PRELID2: variants seen among roughly 807,000 people sequenced by gnomAD.
PRELID2 encodes PRELI domain containing 2.
PRELID2 carries 25 observed loss-of-function variants against 28.4 expected under a neutral mutation model. The observed-to-expected ratio is 0.88, with a 90% CI of 0.64 to 1.23. The LOEUF (loss-of-function observed/expected upper bound fraction) is 1.23, where lower values mean the gene tolerates loss of function less well. PRELID2 is among the 50% of genes most tolerant of loss of function. PRELID2 has a pLI of 0.00. For synonymous variants in PRELID2, 76 were observed against 71.6 expected, an observed-to-expected ratio of 1.06 and a Z score of -0.31; for missense variants, 201 against 214.4, an observed-to-expected ratio of 0.94 and a Z score of 0.39.
the PRELID2 span, among the ~76,000 whole-genome samples, chr5:145,309,157 T>C: frequency 6.6e-6 from 1 of 152,206 alleles, no homozygotes; most frequent in South Asian, 2.1e-4. Context: ...GAGGTCTTTA[T>C]CTCTCCTATG....
the PRELID2 span, among the ~76,000 whole-genome samples, chr5:145,443,443 C>A: frequency 6.6e-6 from 1 of 152,000 alleles, no homozygotes; most frequent in African/African-American, 2.4e-5. Context: ...ATGAGGCCAA[C>A]ATGATAGAAC....
intron 1 of PRELID2, among the ~76,000 whole-genome samples, chr5:145,660,816 A>T (rs1373971136): frequency 1.3e-5 from 2 of 152,236 alleles, no homozygotes; most frequent in African/African-American, 2.4e-5. Flanking sequence ...GAAGAGTTTG[A>T]ATAAAATTGT....
chr5:145,318,494 G>A, the PRELID2 span, among the ~76,000 whole-genome samples: 2 of 152,320 alleles, frequency 1.3e-5, no homozygotes, highest in South Asian at 2.1e-4. Context: ...ACATGCCTTC[G>A]TATGCACTCA....
intron 1 of PRELID2, among the ~76,000 whole-genome samples, chr5:145,518,660 TTAGTGATATC>T (rs1752539456): frequency 6.6e-6 from 1 of 152,190 alleles, no homozygotes; most frequent in Admixed American, 6.5e-5. Flanking sequence ...AATCAATCCT[TTAGTGATATC>T]TCTGCTGTGT....
intron 1 of PRELID2, among the ~76,000 whole-genome samples, chr5:145,650,608 T>C (rs953969714): frequency 1.4e-5 from 2 of 141,852 alleles, no homozygotes; most frequent in Non-Finnish European, 3.0e-5. Context: ...TTGGTTAAAA[T>C]CTATTCAGTC....
At chr5:145,355,493 G>C in the PRELID2 span, among the ~76,000 whole-genome samples, 3 of 152,036 alleles carry the variant, frequency 2.0e-5, no homozygotes, top group African/African-American at 7.2e-5. Context: ...TATTAACTAA[G>C]TTTTTAAAAT....
intron 1 of PRELID2, among the ~76,000 whole-genome samples, chr5:145,613,920 A>C (rs926856398): frequency 1.3e-5 from 2 of 152,110 alleles, no homozygotes; most frequent in Non-Finnish European, 2.9e-5. Flanking sequence ...GGGTTTTTCC[A>C]ATGTTATCTT....
At chr5:145,623,746 A>T (rs1753806327) in intron 1 of PRELID2, among the ~76,000 whole-genome samples, 1 of 152,166 alleles carries the variant, frequency 6.6e-6, no homozygotes, top group African/African-American at 2.4e-5. Context: ...TTCCCCATAT[A>T]AGGATCTGAA....
At chr5:145,425,501 G>A in the PRELID2 span, among the ~76,000 whole-genome samples, 3 of 152,068 alleles carry the variant, frequency 2.0e-5, no homozygotes, top group Admixed American at 6.5e-5. Context: ...ACATAGAATC[G>A]ATCTAAATGC....
intron 1 of PRELID2, among the ~76,000 whole-genome samples, chr5:145,506,284 A>G (rs577362308): frequency 6.6e-6 from 1 of 152,198 alleles, no homozygotes; most frequent in East Asian, 1.9e-4. Flanking sequence ...TTCCCAGTTC[A>G]GAGATTTTGT....
intron 1 of PRELID2, among the ~76,000 whole-genome samples, chr5:145,708,666 C>T (rs1428841002): frequency 1.3e-5 from 2 of 152,134 alleles, no homozygotes; most frequent in Non-Finnish European, 2.9e-5. Context: ...GTGTTTTCCC[C>T]CATTCTTGCC....
intron 5 of PRELID2, among the ~76,000 whole-genome samples, chr5:145,786,795 A>C (rs1235579928): frequency 6.6e-6 from 1 of 152,172 alleles, no homozygotes; most frequent in Non-Finnish European, 1.5e-5. Context: ...TAGTATCTCC[A>C]CTTTTTTCTT....
intron 1 of PRELID2, among the ~76,000 whole-genome samples, chr5:145,742,245 A>C (rs1756846539): frequency 7.1e-6 from 1 of 141,110 alleles, no homozygotes; most frequent in Non-Finnish European, 1.5e-5. Context: ...ATATATTTTT[A>C]TATAAATAAA....
chr5:145,832,974 T>C (rs915240209), intron 1 of PRELID2, among the ~76,000 whole-genome samples: 1 of 151,206 alleles, frequency 6.6e-6, no homozygotes, highest in Non-Finnish European at 1.5e-5. Flanking sequence ...CATCATCAAT[T>C]TGAATTTTGT....
intron 1 of PRELID2, among the ~76,000 whole-genome samples, chr5:145,513,875 A>G (rs1189305078): frequency 6.6e-6 from 1 of 152,186 alleles, no homozygotes; most frequent in Non-Finnish European, 1.5e-5. Flanking sequence ...TCAACCCAGA[A>G]TTTCATATCC....
In PRELID2 at chr5:145,693,784, A is replaced by T. The variant is rs144651973; in HGVS notation, n.70+71147T>A. ...GTGAGACTCTATCTCCAAAAAACTTAAATTAAAATTATAAAAATTGAAAAA... is the reference window on the plus strand; with the variant it reads ...GTGAGACTCTATCTCCAAAAAACTTTAATTAAAATTATAAAAATTGAAAAA... On this transcript the variant is annotated intron_variant and non_coding_transcript_variant, in intron 1 of 2. Transcript: ENST00000510259. Among the ~76,000 whole-genome samples, 1,456 of 152,302 alleles carry T rather than the reference A, an allele frequency of 9.6e-3. 22 individuals are homozygous for T. The highest frequency in any genetic ancestry group is 0.032 in the African/African-American group (1,334 of 41,554).
intron 1 of PRELID2, among the ~76,000 whole-genome samples, chr5:145,588,488 C>T (rs993184842): frequency 6.6e-6 from 1 of 152,094 alleles, no homozygotes; most frequent in African/African-American, 2.4e-5. Context: ...GACCTGTAAT[C>T]CACCCAGAGA....
chr5:145,384,759 T>G, the PRELID2 span, among the ~76,000 whole-genome samples: 2 of 152,108 alleles, frequency 1.3e-5, no homozygotes, highest in Admixed American at 1.3e-4. Flanking sequence ...GCATGTCACA[T>G]GGCAAAAGCA....
At chr5:145,322,448 A>C in the PRELID2 span, among the ~76,000 whole-genome samples, 1 of 152,188 alleles carries the variant, frequency 6.6e-6, no homozygotes, top group African/African-American at 2.4e-5. Context: ...AAAATTGAGA[A>C]GTCTGAACAT....
Sources: allele counts gnomAD v4.1 joint callset (sites outside exome capture counted in the v4.1 genomes callset), GRCh38; gene constraint gnomAD v4.1.1; transcripts MANE v1.5; gene names NCBI Gene and HGNC (gene_info 2026-07-23, HGNC 2026-07-21).